HCN1: variants seen among roughly 807,000 people sequenced by gnomAD.
The protein encoded by HCN1 is potassium/sodium hyperpolarization-activated cyclic nucleotide-gated channel 1.
In HCN1, 13 loss-of-function variants were observed where a neutral mutation model predicts 78.9. The ratio of observed to expected loss-of-function variants is 0.16; its 90% CI spans 0.11 to 0.26. HCN1 has a LOEUF of 0.26. Ranked by LOEUF, HCN1 falls within the 10% of genes least tolerant of loss-of-function variation. The pLI is 1.00. For missense variants in HCN1, 810 were observed against 1,154.3 expected, an observed-to-expected ratio of 0.70 and a Z score of 4.32; for synonymous variants, 552 against 455.5, an observed-to-expected ratio of 1.21 and a Z score of -2.70.
In HCN1 at chr5:45,409,854, T is replaced by C. The variant is rs563439299; in HGVS notation, c.1012-13144A>G. Reference sequence around the variant, plus strand: ...AGATCAAAATACATAAATAAACAAATAATTAAATATATTCAGATTACCCAA... The same window carrying C: ...AGATCAAAATACATAAATAAACAAACAATTAAATATATTCAGATTACCCAA... On this transcript the variant is annotated intron_variant, in intron 3 of 7. Coordinates refer to ENST00000303230, the MANE Select transcript of HCN1 (RefSeq NM_021072.4). Among the ~76,000 whole-genome samples, 14 of 151,670 alleles carry C rather than the reference T, an allele frequency of 9.2e-5. No homozygotes were observed. In the East Asian group the frequency reaches 2.7e-3, roughly 29 times the overall value.
At chr5:45,658,597 G>C (rs868561420) in intron 1 of HCN1, among the ~76,000 whole-genome samples, 1 of 151,822 alleles carries the variant, frequency 6.6e-6, no homozygotes, top group Non-Finnish European at 1.5e-5. Flanking sequence ...GTGTGTGCGC[G>C]CACCGTGCGC....
At chr5:45,666,695 CCATTAT>C (rs1746057873) in intron 1 of HCN1, among the ~76,000 whole-genome samples, 1 of 151,984 alleles carries the variant, frequency 6.6e-6, no homozygotes, top group Admixed American at 6.6e-5. Context: ...TCTCTACTTC[CCATTAT>C]ATTATATCAC....
At chr5:45,552,841 T>C (rs1743395151) in intron 2 of HCN1, among the ~76,000 whole-genome samples, 1 of 151,928 alleles carries the variant, frequency 6.6e-6, no homozygotes, top group African/African-American at 2.4e-5. Context: ...ATAAATGGAC[T>C]CTACATGGCA....
intron 2 of HCN1, among the ~76,000 whole-genome samples, chr5:45,518,613 A>G (rs1172583254): frequency 6.6e-6 from 1 of 152,050 alleles, no homozygotes. Flanking sequence ...AGAAGAGACC[A>G]TTTGATGGAC....
In HCN1 at chr5:45,590,053, G is replaced by T. The variant is rs973628211; in HGVS notation, c.849+55132C>A. Reference sequence around the variant, plus strand: ...ACATATTTTTCCTTTCAATTTTCAGGTATAGATGCAAAAATTTATTGTACT... The same window carrying T: ...ACATATTTTTCCTTTCAATTTTCAGTTATAGATGCAAAAATTTATTGTACT... On this transcript the variant is annotated intron_variant, in intron 2 of 7. Coordinates refer to ENST00000303230, the MANE Select transcript of HCN1 (RefSeq NM_021072.4). 2.0e-5 allele frequency among the ~76,000 whole-genome samples: 3 copies of T among 152,128 alleles called. 1 individual carries two copies. Among genetic ancestry groups the T allele is most frequent in the African/African-American group, 7.2e-5 (3 of 41,494 alleles).
chr5:45,311,735 T>A (rs897128796), intron 5 of HCN1, among the ~76,000 whole-genome samples: 2 of 152,200 alleles, frequency 1.3e-5, no homozygotes, highest in African/African-American at 4.8e-5. Flanking sequence ...AGGTTTCTCA[T>A]TGAAAATGCA....
chr5:45,312,992 C>A (rs1745889243), intron 5 of HCN1, among the ~76,000 whole-genome samples: 1 of 152,148 alleles, frequency 6.6e-6, no homozygotes, highest in African/African-American at 2.4e-5. Flanking sequence ...CTTAAATGTC[C>A]CTGTCTGACA....
At chr5:45,644,226 A>G (rs1365395340) in intron 2 of HCN1, 1 of 152,192 alleles carries the variant, frequency 6.6e-6, no homozygotes, top group Non-Finnish European at 1.5e-5. Context: ...TTCTATAGCC[A>G]GTATATGACT....
chr5:45,435,535 G>A (rs1029596741), intron 3 of HCN1, among the ~76,000 whole-genome samples: 3 of 152,088 alleles, frequency 2.0e-5, no homozygotes, highest in African/African-American at 7.2e-5. Context: ...TTTAGAAAAG[G>A]CTCAGGCAAC....
chr5:45,514,180 C>T (rs767737799), intron 2 of HCN1, among the ~76,000 whole-genome samples: 1 of 152,208 alleles, frequency 6.6e-6, no homozygotes, highest in Middle Eastern at 3.4e-3. Context: ...AAAGCCATAA[C>T]AATTTATATA....
At chr5:45,695,567 G>T in intron 1 of HCN1, 102 bp downstream of exon 1, 4 of 859,044 alleles carry the variant, frequency 4.7e-6, no homozygotes, top group South Asian at 1.5e-5. Context: ...GCCACCCCCC[G>T]CCCGCCCTCC....
At chr5:45,604,514 C>A (rs1017278507) in intron 2 of HCN1, among the ~76,000 whole-genome samples, 4 of 151,806 alleles carry the variant, frequency 2.6e-5, no homozygotes, top group Middle Eastern at 6.8e-3. Flanking sequence ...GGTGACAAAG[C>A]GTCTATGAAC....
intron 2 of HCN1, among the ~76,000 whole-genome samples, chr5:45,607,585 A>G (rs1264614577): frequency 1.3e-5 from 2 of 148,852 alleles, no homozygotes; most frequent in Non-Finnish European, 3.0e-5. Context: ...ATCATTATAT[A>G]TATATATATA....
At chr5:45,370,391 A>T (rs1293671145) in intron 4 of HCN1, among the ~76,000 whole-genome samples, 4 of 152,000 alleles carry the variant, frequency 2.6e-5, no homozygotes, top group Non-Finnish European at 5.9e-5. Flanking sequence ...TAAAGTAGAT[A>T]TTTTAGTGGG....
chr5:45,670,982 A>G (rs545562857), intron 1 of HCN1, among the ~76,000 whole-genome samples: 84 of 151,934 alleles, frequency 5.5e-4, no homozygotes, highest in African/African-American at 2.0e-3. Context: ...ATAGCCCTAA[A>G]GTACATTTTA....
At chr5:45,275,247 GA>G (rs779327836) in intron 6 of HCN1, among the ~76,000 whole-genome samples, 3,133 of 103,642 alleles carry the variant, frequency 0.03, 35 homozygotes, top group South Asian at 0.045. Flanking sequence ...CTCTGTCTCA[GA>G]AAAAAAAAAA....
At chr5:45,626,237 A>G (rs1388561434) in intron 2 of HCN1, among the ~76,000 whole-genome samples, 1 of 152,222 alleles carries the variant, frequency 6.6e-6, no homozygotes, top group Non-Finnish European at 1.5e-5. Flanking sequence ...TTTCAATTAC[A>G]AATAAACATC....
At chr5:45,572,942 C>T (rs1183581861) in intron 2 of HCN1, among the ~76,000 whole-genome samples, 1 of 152,048 alleles carries the variant, frequency 6.6e-6, no homozygotes, top group South Asian at 2.1e-4. Context: ...TAGGGAGGAA[C>T]ATTTCATTTT....
chr5:45,422,168 C>T (rs1740244038), intron 3 of HCN1, among the ~76,000 whole-genome samples: 1 of 152,080 alleles, frequency 6.6e-6, no homozygotes, highest in African/African-American at 2.4e-5. Context: ...TGCTAAGTTT[C>T]CCCCAGTTTA....
Sources: allele counts gnomAD v4.1 joint callset (sites outside exome capture counted in the v4.1 genomes callset), GRCh38; gene constraint gnomAD v4.1.1; transcripts MANE v1.5; gene names NCBI Gene and HGNC (gene_info 2026-07-23, HGNC 2026-07-21).